DCAF8L2: variants seen among roughly 807,000 people sequenced by gnomAD.
The protein encoded by DCAF8L2 is DDB1 and CUL4 associated factor 8 like 2, also known as DDB1- and CUL4-associated factor 8-like protein 2.
For synonymous variants in DCAF8L2, 200 were observed against 190.9 expected, an observed-to-expected ratio of 1.05 and a Z score of -0.39; for missense variants, 430 against 490.7, an observed-to-expected ratio of 0.88 and a Z score of 1.17.
At chrX:27,563,826 A>C in the DCAF8L2 span, among the ~76,000 whole-genome samples, 1 of 112,215 alleles carries the variant, frequency 8.9e-6, no homozygotes, top group South Asian at 3.7e-4. Flanking sequence ...GCTTACTAGG[A>C]AATGACTTTC....
At chrX:27,519,373 G>A in the DCAF8L2 span, 1 of 1,155,598 alleles carries the variant, frequency 8.7e-7, no homozygotes. Context: ...AGCAAAACAA[G>A]CTGCCGACCA....
At chrX:27,703,435 T>C (rs764574351) in intron 3 of DCAF8L2, among the ~76,000 whole-genome samples, 41 of 111,327 alleles carry the variant, frequency 3.7e-4, no homozygotes, top group African/African-American at 1.1e-3. Context: ...CTTACTACAA[T>C]GCTAAAGTAC....
At chrX:27,704,003 T>C (rs1216633089) in intron 3 of DCAF8L2, among the ~76,000 whole-genome samples, 1 of 107,474 alleles carries the variant, frequency 9.3e-6, no homozygotes, top group Non-Finnish European at 1.9e-5. Context: ...GATAAGGGAC[T>C]TGGATCAGCA....
At chrX:27,709,962 G>C (rs1468958644) in intron 3 of DCAF8L2, among the ~76,000 whole-genome samples, 1 of 91,218 alleles carries the variant, frequency 1.1e-5, no homozygotes, top group East Asian at 2.9e-4. Flanking sequence ...ACTTTTTCTA[G>C]GTTTTTTTTA....
At chrX:27,481,282 G>A in the DCAF8L2 span, among the ~76,000 whole-genome samples, 2 of 110,764 alleles carry the variant, frequency 1.8e-5, no homozygotes, top group African/African-American at 6.6e-5. Context: ...GGAGGCTGAG[G>A]CAGGAGGATC....
chrX:27,705,458 A>G (rs1043977102), intron 3 of DCAF8L2, among the ~76,000 whole-genome samples: 1 of 111,521 alleles, frequency 9.0e-6, no homozygotes, highest in Non-Finnish European at 1.9e-5. Context: ...AACACTTACT[A>G]TTCTCATTCT....
chrX:27,477,281 C>G, the DCAF8L2 span, among the ~76,000 whole-genome samples: 3 of 111,695 alleles, frequency 2.7e-5, no homozygotes, highest in Non-Finnish European at 3.8e-5. Flanking sequence ...TTGTGTGTTT[C>G]TCTTGTTTTT....
the DCAF8L2 span, chrX:27,518,521 C>G: frequency 2.7e-6 from 1 of 368,330 alleles, no homozygotes; most frequent in Non-Finnish European, 4.8e-6. Context: ...AGGCGGATCA[C>G]GAGGTCAGGA....
At chrX:27,668,697 A>C (rs1929828453) in intron 2 of DCAF8L2, among the ~76,000 whole-genome samples, 1 of 112,152 alleles carries the variant, frequency 8.9e-6, no homozygotes, top group South Asian at 3.7e-4. Flanking sequence ...TCACGCCCAT[A>C]ATCCCAGCAC....
intron 2 of DCAF8L2, among the ~76,000 whole-genome samples, chrX:27,638,071 G>C (rs1374647080): frequency 9.0e-6 from 1 of 111,523 alleles, no homozygotes; most frequent in African/African-American, 3.3e-5. Flanking sequence ...AAGGAAGGAA[G>C]GTTAGGTAGG....
intron 3 of DCAF8L2, among the ~76,000 whole-genome samples, chrX:27,705,795 G>T (rs2147275052): frequency 8.9e-6 from 1 of 111,770 alleles, no homozygotes; most frequent in Non-Finnish European, 1.9e-5. Flanking sequence ...AGTTTAATTA[G>T]ATTCTATTTG....
At chrX:27,471,685 G>A in the DCAF8L2 span, among the ~76,000 whole-genome samples, 2,675 of 111,315 alleles carry the variant, frequency 0.024, 91 homozygotes, top group African/African-American at 0.083. Context: ...TTTCTCAACA[G>A]AACTTTCTCA....
the DCAF8L2 span, among the ~76,000 whole-genome samples, chrX:27,561,007 TTA>T: frequency 2.9e-3 from 324 of 112,386 alleles, 2 homozygotes; most frequent in African/African-American, 9.7e-3. Context: ...TGGCAGCCTT[TTA>T]TGTCACAAAA....
the DCAF8L2 span, among the ~76,000 whole-genome samples, chrX:27,491,816 T>G: frequency 0.034 from 3,775 of 111,847 alleles, 145 homozygotes; most frequent in African/African-American, 0.11. Context: ...AATACTTCTC[T>G]TCTTTTTCAT....
chrX:27,745,408 C>T (rs1161078136), intron 4 of DCAF8L2, among the ~76,000 whole-genome samples: 1 of 112,064 alleles, frequency 8.9e-6, no homozygotes, highest in Non-Finnish European at 1.9e-5. Context: ...TGTGTTTTCA[C>T]TCATCATTGT....
At chrX:27,611,237 G>A (rs758839522) in intron 1 of DCAF8L2, among the ~76,000 whole-genome samples, 1 of 111,113 alleles carries the variant, frequency 9.0e-6, no homozygotes, top group Non-Finnish European at 1.9e-5. Flanking sequence ...CCATATCTAA[G>A]CGATTTTTAT....
At chrX:27,698,966 C>G (rs1391825514) in intron 3 of DCAF8L2, among the ~76,000 whole-genome samples, 1 of 111,619 alleles carries the variant, frequency 9.0e-6, no homozygotes, top group African/African-American at 3.3e-5. Flanking sequence ...TTTTCATTGT[C>G]CAAATATTTG....
At chrX:27,567,409 TG>T in the DCAF8L2 span, among the ~76,000 whole-genome samples, 1 of 106,265 alleles carries the variant, frequency 9.4e-6, no homozygotes, top group African/African-American at 3.4e-5. Flanking sequence ...GGTGCTCTGA[TG>T]TTGGGTAGGT....
Position 27,749,124 on chromosome X carries a change from T to A in DCAF8L2, c.*333T>A, listed in dbSNP as rs1240173861. 8.9e-6 allele frequency among the ~76,000 whole-genome samples: 1 copy of A among 111,897 alleles called. No individual in the cohort carries two copies. The highest frequency in any genetic ancestry group is 3.2e-5 in the African/African-American group (1 of 30,777). On this transcript the variant is annotated 3_prime_UTR_variant, in exon 5 of 5. Coordinates refer to ENST00000451261, the MANE Select transcript of DCAF8L2 (RefSeq NM_001353450.2). Reference sequence around the variant, plus strand: ...AATTTTCTGAATTTTGCTGAAAGAATTAATACCCTTATTAGATGCATCTAC... The same window carrying A: ...AATTTTCTGAATTTTGCTGAAAGAAATAATACCCTTATTAGATGCATCTAC...
Sources: gnomAD v4.1 joint callset for allele counts (sites outside exome capture counted in the v4.1 genomes callset) on GRCh38, gnomAD v4.1.1 for gene constraint, MANE v1.5 for transcripts, NCBI Gene and HGNC (gene_info 2026-07-23, HGNC 2026-07-21) for gene names.